The following LRP5 variants were observed in gnomAD, a reference collection of about 807,000 sequenced individuals.
LRP5 encodes the protein LDL receptor related protein 5, also known as low-density lipoprotein receptor-related protein 5.
A neutral mutation model predicts 154.1 loss-of-function variants in LRP5; 62 were observed. The ratio of observed to expected loss-of-function variants is 0.40; its 90% CI spans 0.33 to 0.50. LRP5 has a LOEUF of 0.50. LRP5 is among the 20% of genes least tolerant of loss of function. LRP5 has a pLI of 0.55. For synonymous variants in LRP5, 966 were observed against 1,011.5 expected (o/e 0.96, Z 0.85); for missense variants, 1,915 against 2,336.7 (o/e 0.82, Z 3.72).
chr11:68,402,439 A>C (rs1287273712), intron 7 of LRP5, among the ~76,000 whole-genome samples: 1 of 152,214 alleles, frequency 6.6e-6, no homozygotes, highest in East Asian at 1.9e-4. Context: ...GGTGGAAAGC[A>C]TCTGAGACCT....
At chr11:68,442,446 T>C (rs1477144753) in intron 21 of LRP5, among the ~76,000 whole-genome samples, 3 of 152,130 alleles carry the variant, frequency 2.0e-5, no homozygotes, top group Non-Finnish European at 2.9e-5. Flanking sequence ...AGGCTAATTT[T>C]TAAATTTTTT....
rs551457001 is a variant in LRP5 at position 68,421,959 on chromosome 11, A to T, written c.3028-1530A>T. 4.0e-5 allele frequency among the ~76,000 whole-genome samples: 6 copies of T among 151,854 alleles called. No homozygotes were observed. The East Asian group carries it at 1.2e-3, about 29-fold the overall frequency. On this transcript the variant is annotated intron_variant, in intron 13 of 22. Transcript: ENST00000294304. Reference sequence around the variant, plus strand: ...TTGTATTTTTTTGAGACAGGGTCTCACTCTGTCACCCAGGCTGGGGTATGG... The same window carrying T: ...TTGTATTTTTTTGAGACAGGGTCTCTCTCTGTCACCCAGGCTGGGGTATGG...
chr11:68,360,123 C>T (rs866276003), intron 3 of LRP5, among the ~76,000 whole-genome samples: 2 of 151,888 alleles, frequency 1.3e-5, no homozygotes, highest in African/African-American at 2.4e-5. Flanking sequence ...GTGTTCCTCC[C>T]GCCTCAGCCT....
chr11:68,388,799 C>G lies in LRP5; in HGVS notation c.1413-1082C>G, dbSNP rs147565369. 7.0e-3 allele frequency among the ~76,000 whole-genome samples: 1,073 copies of G among 152,272 alleles called. 7 individuals are homozygous for G. Among genetic ancestry groups the G allele is most frequent in the Non-Finnish European group, 0.011 (746 of 68,004 alleles). On this transcript the variant is annotated intron_variant, in intron 6 of 22. Coordinates refer to ENST00000294304, the MANE Select transcript of LRP5 (RefSeq NM_002335.4). The stretch of plus-strand genomic sequence containing the variant: ...CTCTTGGCCCCTGAGAGTCCAAGGG[C>G]TGGTGTGGTGAAACCCGCACAGGGT...
chr11:68,406,708 CA>C lies in LRP5; in HGVS notation c.1988del (p.Asn663IlefsTer34). 6.2e-7 allele frequency: 1 copy of C among 1,614,184 alleles called. No homozygotes were observed. The highest frequency in any genetic ancestry group is 1.7e-5 in the Admixed American group (1 of 60,022). ...AAIHRISLETNNNDVAIPLTG... is the reference protein window; with the variant it reads ...AAIHRISLETXNNDVAIPLTG... ...CCATCCACAGGATCTCCCTCGAGAC[CA>C]ATAACAACGACGTGGCCATCCCGCT... On this transcript the variant is annotated frameshift_variant, in exon 9 of 23. Coordinates refer to ENST00000294304, the MANE Select transcript of LRP5 (RefSeq NM_002335.4). LOFTEE classifies it high-confidence loss of function.
At position 68,391,068 on chromosome 11, in the gene LRP5, A is replaced by G. The variant is rs1019818933; in HGVS notation, c.1584+1016A>G. Among the ~76,000 whole-genome samples the G allele has an allele frequency of 9.8e-5, 15 of 152,310 alleles. No individual in the cohort carries two copies. The South Asian group carries it at 2.3e-3, about 23-fold the overall frequency. ...CTGAAACCTCTGCCTCCTTGGGTTC[A>G]TGCCATTCTCCTGCCTCAGCCTCCC... is the stretch of plus-strand genomic sequence containing the variant. On this transcript the variant is annotated intron_variant, in intron 7 of 22. Transcript: ENST00000294304.
chr11:68,446,594 G>T, intron 22 of LRP5, 61 bp downstream of exon 22: 1 of 1,404,692 alleles, frequency 7.1e-7, no homozygotes, highest in South Asian at 1.2e-5. Context: ...TGGTGGAGGG[G>T]CCTAATCCCC....
chr11:68,380,555 T>C (rs970346857), intron 5 of LRP5, among the ~76,000 whole-genome samples: 2 of 152,208 alleles, frequency 1.3e-5, no homozygotes, highest in Middle Eastern at 3.2e-3. Context: ...TTCCCGGCTT[T>C]TGTGTGAGAG....
intron 12 of LRP5, among the ~76,000 whole-genome samples, chr11:68,415,369 C>T (rs1397912819): frequency 3.3e-5 from 5 of 152,178 alleles, no homozygotes; most frequent in African/African-American, 4.8e-5. Context: ...CACACACAGT[C>T]GTGGGTATGA....
At chr11:68,445,755 G>A (rs1467725162) in intron 21 of LRP5, 7 of 984,610 alleles carry the variant, frequency 7.1e-6, no homozygotes, top group South Asian at 1.4e-5. Context: ...GGCTGGTTGT[G>A]TGCTGCCTGG....
At chr11:68,301,039 C>T in the LRP5 span, among the ~76,000 whole-genome samples, 1 of 148,192 alleles carries the variant, frequency 6.7e-6, no homozygotes, top group African/African-American at 2.4e-5. Context: ...AAGCAATTCT[C>T]CTGCCTCAGC....
chr11:68,299,491 TGCTC>T, the LRP5 span, among the ~76,000 whole-genome samples: 2 of 110,276 alleles, frequency 1.8e-5, no homozygotes, highest in Non-Finnish European at 4.0e-5. Flanking sequence ...CAGGGTGGAG[TGCTC>T]AGTGTAGACA....
intron 22 of LRP5, among the ~76,000 whole-genome samples, chr11:68,448,389 C>T (rs2098682579): frequency 6.6e-6 from 1 of 152,240 alleles, no homozygotes; most frequent in Non-Finnish European, 1.5e-5. Flanking sequence ...TTGTCGGACA[C>T]TGTTTCTAGC....
At chr11:68,406,023 A>G (rs2098655464) in intron 8 of LRP5, among the ~76,000 whole-genome samples, 1 of 152,246 alleles carries the variant, frequency 6.6e-6, no homozygotes, top group Non-Finnish European at 1.5e-5. Flanking sequence ...CTTCCTGACC[A>G]TGCTCCTTTC....
intron 2 of LRP5, among the ~76,000 whole-genome samples, chr11:68,355,944 A>G (rs994950443): frequency 2.0e-5 from 3 of 151,576 alleles, no homozygotes; most frequent in Admixed American, 6.6e-5. Context: ...GGTTCACGCC[A>G]TTCTCCTGCC....
At chr11:68,384,836 C>G (rs1247050080) in intron 5 of LRP5, among the ~76,000 whole-genome samples, 3 of 152,206 alleles carry the variant, frequency 2.0e-5, no homozygotes, top group African/African-American at 2.4e-5. Context: ...TGGGGGGTCT[C>G]CGTGCGTCCT....
intron 22 of LRP5, among the ~76,000 whole-genome samples, chr11:68,448,395 C>G (rs938988007): frequency 1.3e-5 from 2 of 152,240 alleles, no homozygotes; most frequent in Admixed American, 1.3e-4. Context: ...GACACTGTTT[C>G]TAGCACCTTC....
At chr11:68,381,032 A>G (rs2098639972) in intron 5 of LRP5, among the ~76,000 whole-genome samples, 1 of 152,188 alleles carries the variant, frequency 6.6e-6, no homozygotes, top group African/African-American at 2.4e-5. Flanking sequence ...GGGGGCCTAT[A>G]TCCACGGTGC....
chr11:68,393,036 G>T (rs629012), intron 7 of LRP5, among the ~76,000 whole-genome samples: 76,067 of 151,604 alleles, frequency 0.5, 23,289 homozygotes, highest in South Asian at 0.82. Context: ...AGGCTGAGGT[G>T]GGAGGATCGC....
Sources: gnomAD v4.1 joint callset for allele counts (sites outside exome capture counted in the v4.1 genomes callset) on GRCh38, gnomAD v4.1.1 for gene constraint, MANE v1.5 for transcripts, NCBI Gene and HGNC (gene_info 2026-07-23, HGNC 2026-07-21) for gene names.